The following MMS22L variants were observed in gnomAD, a reference collection of about 807,000 sequenced individuals.
The protein encoded by MMS22L is MMS22 like, DNA repair protein.
In MMS22L, 74 loss-of-function variants were observed where a neutral mutation model predicts 159.1. That is an observed-to-expected ratio of 0.47 (90% CI 0.39 to 0.56). The LOEUF (loss-of-function observed/expected upper bound fraction) is 0.56, where lower values mean the gene tolerates loss of function less well. Ranked by LOEUF, MMS22L falls within the 20% of genes least tolerant of loss-of-function variation. The pLI is 0.00. For synonymous variants in MMS22L, 517 were observed against 506.9 expected, an observed-to-expected ratio of 1.02 and a Z score of -0.27; for missense variants, 1,351 against 1,422.1, an observed-to-expected ratio of 0.95 and a Z score of 0.80.
At chr6:97,246,768 A>C in intron 10 of MMS22L, 78 bp from the exon 11 acceptor site, 3 of 937,162 alleles carry the variant, frequency 3.2e-6, no homozygotes, top group Non-Finnish European at 5.1e-6. Flanking sequence ...ATAGCAAATT[A>C]AGTGTGCAGT....
intron 11 of MMS22L, 115 bp downstream of exon 11, chr6:97,246,513 G>T: frequency 1.3e-6 from 1 of 757,792 alleles, no homozygotes; most frequent in Non-Finnish European, 2.1e-6. Flanking sequence ...ACCCTTCAAA[G>T]CATGAAAGTT....
rs1344832342 is a variant in MMS22L, at chr6:97,272,761, G to T, written c.549C>A (p.His183Gln). The T allele has an allele frequency of 6.2e-7, 1 of 1,613,928 alleles. No homozygotes were observed. The highest frequency in any genetic ancestry group is 1.7e-5 in the Admixed American group (1 of 60,012). ...TATTAACACTGGGAAGTTCAGATAG[G>T]TGTCCAATATACAAGAGTAATCCAT... The part of the protein sequence containing the change: ...ELHGLLLYIG[H>Q]LSELPSVNIG... The change falls in exon 6 of 25, where the codon CAC (histidine) becomes CAA (glutamine). Residue 183 changes from histidine (H) to glutamine (Q), a missense_variant. Transcript: ENST00000683635.
chr6:97,203,477 A>C (rs1367895817), intron 14 of MMS22L, among the ~76,000 whole-genome samples: 2 of 152,176 alleles, frequency 1.3e-5, no homozygotes, highest in Non-Finnish European at 2.9e-5. Context: ...GATACTCAAT[A>C]AACAGTTTCT....
intron 10 of MMS22L, 129 bp downstream of exon 10, chr6:97,254,428 T>G: frequency 1.6e-6 from 1 of 638,958 alleles, no homozygotes; most frequent in East Asian, 2.8e-5. Flanking sequence ...AGAAACATTA[T>G]ACATAAATAA....
At chr6:97,151,646 A>G (rs1265469412) in intron 23 of MMS22L, 125 bp downstream of exon 23, 52 of 730,610 alleles carry the variant, frequency 7.1e-5, no homozygotes, top group South Asian at 4.9e-4. Flanking sequence ...CAAAAATACA[A>G]TAATTGAAAT....
rs1801354278 is a variant in MMS22L, at chr6:97,151,853, T to C, written c.3400A>G (p.Thr1134Ala). 2 of 1,613,474 alleles carry C rather than the reference T, an allele frequency of 1.2e-6. No individual in the cohort carries two copies. The highest frequency in any genetic ancestry group is 1.3e-5 in the African/African-American group (1 of 74,892). Residue 1134 changes from threonine (T) to alanine (A), a missense_variant, in exon 23 of 25, where the codon ACA becomes GCA. Physicochemically the swap from Thr to Ala is moderately conservative, Grantham distance 58. Coordinates refer to ENST00000683635, the MANE Select transcript of MMS22L (RefSeq NM_001350599.2). ...VSEPQVKRLA[T>A]ENLQYMVKAC... ...TTTACCATGTATTGCAGGTTCTCTG[T>C]GGCCAGCCTTTTAACTAGAAGGAAA...
chr6:97,225,960 G>C (rs954932190), intron 14 of MMS22L, among the ~76,000 whole-genome samples: 2 of 152,308 alleles, frequency 1.3e-5, no homozygotes, highest in African/African-American at 4.8e-5. Flanking sequence ...TTATCAGTGA[G>C]AGTAAAAACT....
At chr6:97,260,380 G>C (rs982051938) in intron 9 of MMS22L, 1 of 151,736 alleles carries the variant, frequency 6.6e-6, no homozygotes, top group African/African-American at 2.4e-5. Context: ...TATTCCCTTA[G>C]TTGTTTTCAA....
chr6:97,229,305 T>A lies in MMS22L; in HGVS notation c.1628A>T (p.Glu543Val). ...SLFLLLAAVA[E>V]VEDVASHVLD... ...AACATGACTTGCAACATCTTCTACCTCTGCAACAGCTGCTAACAGTAGAAA... is the reference window on the plus strand; with the variant it reads ...AACATGACTTGCAACATCTTCTACCACTGCAACAGCTGCTAACAGTAGAAA... Residue 543 changes from glutamate (E) to valine (V), a missense_variant, in exon 14 of 25, where the codon GAG becomes GTG. Transcript: ENST00000683635. 1 of 1,614,122 alleles carries A rather than the reference T, an allele frequency of 6.2e-7. No individual in the cohort carries two copies. The highest frequency in any genetic ancestry group is 8.5e-7 in the Non-Finnish European group (1 of 1,180,002).
At chr6:97,262,215 C>G (rs1814552948) in intron 9 of MMS22L, among the ~76,000 whole-genome samples, 1 of 152,094 alleles carries the variant, frequency 6.6e-6, no homozygotes, top group South Asian at 2.1e-4. Context: ...AATTCAGCAA[C>G]TGCCTCTAGG....
chr6:97,153,944 C>T (rs971719748), intron 22 of MMS22L, among the ~76,000 whole-genome samples: 2 of 152,030 alleles, frequency 1.3e-5, no homozygotes, highest in Admixed American at 1.3e-4. Flanking sequence ...TCTGTGTGGA[C>T]ATATTTGTTC....
chr6:97,244,814 G>T (rs1812457217), intron 11 of MMS22L, among the ~76,000 whole-genome samples: 1 of 152,128 alleles, frequency 6.6e-6, no homozygotes. Flanking sequence ...ATAAGATGGG[G>T]GAATGGTTAG....
intron 11 of MMS22L, among the ~76,000 whole-genome samples, chr6:97,234,533 A>G (rs564668682): frequency 2.0e-5 from 3 of 152,336 alleles, no homozygotes; most frequent in South Asian, 2.1e-4. Flanking sequence ...TATTTTTTAA[A>G]TAACACACTG....
At chr6:97,276,249 T>G (rs1184403563) in intron 4 of MMS22L, among the ~76,000 whole-genome samples, 1 of 152,124 alleles carries the variant, frequency 6.6e-6, no homozygotes, top group African/African-American at 2.4e-5. Flanking sequence ...TGGATAATAT[T>G]TAACACCACT....
chr6:97,195,474 G>A (rs905133764), intron 14 of MMS22L, among the ~76,000 whole-genome samples: 3 of 152,144 alleles, frequency 2.0e-5, no homozygotes, highest in African/African-American at 4.8e-5. Flanking sequence ...TGAAAAAAAC[G>A]TAACCACTTT....
At chr6:97,279,222 G>C (rs1816521236) in intron 3 of MMS22L, among the ~76,000 whole-genome samples, 1 of 152,016 alleles carries the variant, frequency 6.6e-6, no homozygotes. Flanking sequence ...GGTGGCTCTT[G>C]CCTGTAATCC....
rs561572122 is a variant in MMS22L, at chr6:97,162,156, G to A, written c.3231C>T (p.Tyr1077=). The A allele has an allele frequency of 6.3e-7, 1 of 1,590,082 alleles. No homozygotes were observed. The highest frequency in any genetic ancestry group is 1.4e-5 in the African/African-American group (1 of 73,396). Residue 1077 remains tyrosine, a synonymous_variant, in exon 22 of 25, where the codon TAC becomes TAT. Coordinates refer to ENST00000683635, the MANE Select transcript of MMS22L (RefSeq NM_001350599.2). ...KCIVQVIRKS[Y]LEYKGSSPPP... ...GAGGTGAGGACCCCTTATACTCAAG[G>A]TAGGATTTCCTGAAAAGAAGCAAAA...
chr6:97,232,017 T>C (rs1810927674), intron 12 of MMS22L, among the ~76,000 whole-genome samples: 1 of 152,176 alleles, frequency 6.6e-6, no homozygotes, highest in African/African-American at 2.4e-5. Context: ...TTGTATAAAA[T>C]TTCCCATGTT....
intron 20 of MMS22L, 31 bp downstream of exon 20, chr6:97,168,040 T>G (rs759335036): frequency 2.3e-5 from 35 of 1,530,202 alleles, no homozygotes; most frequent in Non-Finnish European, 3.0e-5. Flanking sequence ...TATTTTTTTT[T>G]TAAACTTTTA....
Sources: gnomAD v4.1 joint callset for allele counts (sites outside exome capture counted in the v4.1 genomes callset) on GRCh38, gnomAD v4.1.1 for gene constraint, MANE v1.5 for transcripts, NCBI Gene and HGNC (gene_info 2026-07-23, HGNC 2026-07-21) for gene names.